SNX2: variants seen among roughly 807,000 people sequenced by gnomAD.
The protein encoded by SNX2 is sorting nexin-2.
Under a neutral mutation model 69.9 loss-of-function variants are expected in SNX2, and 25 were observed. The ratio of observed to expected loss-of-function variants is 0.36; its 90% confidence interval spans 0.26 to 0.50. The LOEUF is 0.50. Ranked by LOEUF, SNX2 falls within the 20% of genes least tolerant of loss-of-function variation. SNX2 has a pLI of 0.97. For synonymous variants in SNX2, 229 were observed against 200.4 expected, an observed-to-expected ratio of 1.14 and a Z score of -1.20; for missense variants, 551 against 613.3, an observed-to-expected ratio of 0.90 and a Z score of 1.07.
chr5:122,777,925 A>G (rs930106924), intron 1 of SNX2, among the ~76,000 whole-genome samples: 1 of 152,216 alleles, frequency 6.6e-6, no homozygotes, highest in African/African-American at 2.4e-5. Flanking sequence ...AGAACACTAG[A>G]ATTTATTCCT....
chr5:122,829,560 G>A, intron 14 of SNX2, 38 bp from the exon 15 acceptor site: 2 of 1,532,134 alleles, frequency 1.3e-6, no homozygotes, highest in Middle Eastern at 1.7e-4. Flanking sequence ...TGACAAAAAG[G>A]TAATGAGAAT....
rs928442207 is a variant in SNX2 at position 122,817,004 on chromosome 5, A to C, written c.888A>C (p.Thr296=). ...CTGCCGACGCTGTCAACAAAATGAC[A>C]ATCAAGATGAATGAATCGGATGCAG... ...NKAADAVNKM[T]IKMNESDAWF... Residue 296 remains threonine (T), a synonymous_variant, in exon 9 of 15, where the codon ACA becomes ACC. Transcript: ENST00000379516. 34 of 1,610,384 alleles carry C rather than the reference A, an allele frequency of 2.1e-5. No homozygotes were observed. Among genetic ancestry groups the C allele is most frequent in the Non-Finnish European group, 2.7e-5 (32 of 1,178,368 alleles).
chr5:122,801,949 TA>T lies in SNX2; in HGVS notation c.457+15del. ...CAGAAAAAGTTGGTGAGTCAATACT[TA>T]TTATATTTTGTATTTACTTTTTATT... On this transcript the variant is annotated intron_variant, in intron 4 of 14. Coordinates refer to ENST00000379516, the MANE Select transcript of SNX2 (RefSeq NM_003100.4). 6.3e-7 allele frequency: 1 copy of T among 1,576,062 alleles called. No homozygotes were observed. The highest frequency in any genetic ancestry group is 1.7e-5 in the Admixed American group (1 of 59,078).
At chr5:122,788,683 T>C (rs1219362510) in intron 1 of SNX2, among the ~76,000 whole-genome samples, 2 of 152,228 alleles carry the variant, frequency 1.3e-5, no homozygotes, top group Admixed American at 6.5e-5. Flanking sequence ...CATTCTGTTA[T>C]TGAGCTTATG....
intron 12 of SNX2, among the ~76,000 whole-genome samples, chr5:122,826,921 A>G (rs563673041): frequency 6.6e-6 from 1 of 152,122 alleles, no homozygotes; most frequent in African/African-American, 2.4e-5. Context: ...TTATCATGTA[A>G]TTTTCCTAAT....
chr5:122,827,793 G>A (rs1754186005), intron 14 of SNX2, 147 bp downstream of exon 14: 1 of 622,154 alleles, frequency 1.6e-6, no homozygotes, highest in Non-Finnish European at 2.8e-6. Flanking sequence ...AGGATAAAAG[G>A]GTAAACTAAT....
intron 1 of SNX2, among the ~76,000 whole-genome samples, chr5:122,786,722 G>A (rs926184692): frequency 6.6e-6 from 1 of 151,908 alleles, no homozygotes; most frequent in Non-Finnish European, 1.5e-5. Context: ...TCCTTGTAAG[G>A]ACGGGCCATT....
At chr5:122,806,417 A>G (rs1482770913) in intron 6 of SNX2, among the ~76,000 whole-genome samples, 1 of 152,108 alleles carries the variant, frequency 6.6e-6, no homozygotes, top group African/African-American at 2.4e-5. Context: ...AAAAAGAGTC[A>G]TAACTTCTCC....
rs780830561 is a variant in SNX2, at chr5:122,799,722, C to T, written c.257C>T (p.Pro86Leu). The change falls in exon 3 of 15, where the codon CCT becomes CTT. Residue 86 changes from proline (P) to leucine (L), a missense_variant. By Grantham distance (98) the Pro-to-Leu change is moderately conservative. Around this residue, in one of 2 missense-constraint regions of SNX2, gnomAD observed 191 missense variants for 162.9 expected, o/e 1.17. Coordinates refer to ENST00000379516, the MANE Select transcript of SNX2 (RefSeq NM_003100.4). Reference protein sequence around the residue: ...EATEEVSLDSPEREPILSSEP... With the variant: ...EATEEVSLDSLEREPILSSEP... ...ACAGAAGAAGTTTCTTTGGACAGCC[C>T]TGAAAGGGAACCTATCCTATCCTCG... 5.6e-6 allele frequency: 9 copies of T among 1,613,552 alleles called. No individual in the cohort carries two copies. The highest frequency in any genetic ancestry group is 2.2e-5 in the South Asian group (2 of 91,032).
intron 1 of SNX2, among the ~76,000 whole-genome samples, chr5:122,789,408 A>G (rs959193595): frequency 6.6e-6 from 1 of 151,220 alleles, no homozygotes; most frequent in African/African-American, 2.4e-5. Flanking sequence ...TTCAGTTTAC[A>G]AGACCGCCCC....
rs1038448922 is a variant in SNX2, at chr5:122,806,770, C to T, written c.644-1507C>T. ...TGTGAAACAATTCACATCCCAATTCCGGTAGTTCAGTCAGAGGTAGTTGTA... is the reference window on the plus strand; with the variant it reads ...TGTGAAACAATTCACATCCCAATTCTGGTAGTTCAGTCAGAGGTAGTTGTA... On this transcript the variant is annotated intron_variant, in intron 6 of 14. Transcript: ENST00000379516. Among the ~76,000 whole-genome samples, 7 of 151,938 alleles carry T rather than the reference C, an allele frequency of 4.6e-5. No homozygotes were observed. In the South Asian group the frequency reaches 6.2e-4, roughly 14 times the overall value.
intron 3 of SNX2, among the ~76,000 whole-genome samples, chr5:122,800,366 A>G (rs150256610): frequency 1.3e-5 from 2 of 152,342 alleles, no homozygotes; most frequent in East Asian, 3.9e-4. Flanking sequence ...TTTAAAAGTC[A>G]TTCATGGAAA....
intron 7 of SNX2, chr5:122,808,853 C>T (rs1753707998): frequency 6.6e-6 from 1 of 152,144 alleles, no homozygotes; most frequent in Admixed American, 6.5e-5. Context: ...TATAGTTCAT[C>T]TAAATTAACT....
intron 7 of SNX2, among the ~76,000 whole-genome samples, chr5:122,813,974 A>G (rs1031710924): frequency 1.1e-4 from 16 of 151,894 alleles, no homozygotes; most frequent in African/African-American, 3.1e-4. Context: ...GGGTTTCACC[A>G]TGTTGGTCAG....
chr5:122,827,336 T>A, intron 12 of SNX2, 43 bp from the exon 13 acceptor site: 1 of 1,457,916 alleles, frequency 6.9e-7, no homozygotes, highest in Non-Finnish European at 9.5e-7. Flanking sequence ...AGTACTATAC[T>A]TTTTTTTGAG....
intron 2 of SNX2, among the ~76,000 whole-genome samples, chr5:122,797,659 T>C (rs1171563835): frequency 2.0e-5 from 3 of 152,154 alleles, no homozygotes; most frequent in Non-Finnish European, 4.4e-5. Context: ...GTCCCTCCTA[T>C]ACCAGAGGAG....
At chr5:122,778,171 GA>G (rs1752896151) in intron 1 of SNX2, among the ~76,000 whole-genome samples, 1 of 152,134 alleles carries the variant, frequency 6.6e-6, no homozygotes, top group Non-Finnish European at 1.5e-5. Flanking sequence ...TTTTATAGTT[GA>G]ATAGTATTCC....
In SNX2 at chr5:122,831,074, T is replaced by A. The variant is rs1388380478; in HGVS notation, c.*1426T>A. Among the ~76,000 whole-genome samples the A allele has an allele frequency of 6.7e-6, 1 of 148,950 alleles. No homozygotes were observed. Among genetic ancestry groups the A allele is most frequent in the East Asian group, 1.9e-4 (1 of 5,138 alleles). On this transcript the variant is annotated 3_prime_UTR_variant, in exon 15 of 15. Transcript: ENST00000379516. ...AGCTATTTTTGTTTTTTAAAAAATA[T>A]TCTTACAAACACCCCTCTTCTTGAG... is the stretch of plus-strand genomic sequence containing the variant.
In SNX2 at chr5:122,811,693, T is replaced by G. The variant is rs183694045; in HGVS notation, c.722+3338T>G. Among the ~76,000 whole-genome samples, 664 of 152,042 alleles carry G rather than the reference T, an allele frequency of 4.4e-3. 4 individuals are homozygous for G. Among genetic ancestry groups the G allele is most frequent in the Non-Finnish European group, 3.9e-3 (262 of 67,958 alleles). ...AAAAATACAAAAAATTGGCTGGGTG[T>G]GGTGGCGCGTGCCTGTAGTCACAGC... On this transcript the variant is annotated intron_variant, in intron 7 of 14. Transcript: ENST00000379516.
Sources: gnomAD v4.1 joint callset for allele counts (sites outside exome capture counted in the v4.1 genomes callset) on GRCh38, gnomAD v4.1.1 for gene constraint, gnomAD v4.1.1 regional missense constraint, MANE v1.5 for transcripts, NCBI Gene and HGNC (gene_info 2026-07-23, HGNC 2026-07-21) for gene names.